CCDC186: variants seen among roughly 807,000 people sequenced by gnomAD.
CCDC186 encodes the protein coiled-coil domain-containing protein 186.
In CCDC186, 49 loss-of-function variants were observed where a neutral mutation model predicts 113.7. The ratio of observed to expected loss-of-function variants is 0.43; its 90% CI spans 0.34 to 0.55. The LOEUF is 0.55. Among genes scored for constraint, CCDC186 ranks in the 20% least tolerant of loss-of-function variants. The probability of loss-of-function intolerance (pLI) is 0.02; values close to 1 mark genes in which losing one functional copy is unlikely to be tolerated. For synonymous variants in CCDC186, 355 were observed against 345.8 expected (o/e 1.03, Z -0.30); for missense variants, 890 against 1,011.1 (o/e 0.88, Z 1.62).
rs759572269 is a variant in CCDC186, at chr10:114,123,627, A to G, written c.*1516T>C. On this transcript the variant is annotated 3_prime_UTR_variant, in exon 16 of 16. Coordinates refer to ENST00000369287, the MANE Select transcript of CCDC186 (RefSeq NM_018017.4). ...CATAAGAGCCACGGTATCTTATTATAGTAATGATCTGAAGATAATGAATTA... is the reference window on the plus strand; with the variant it reads ...CATAAGAGCCACGGTATCTTATTATGGTAATGATCTGAAGATAATGAATTA... 2.0e-5 allele frequency: 3 copies of G among 152,330 alleles called. No homozygotes were observed. The highest frequency in any genetic ancestry group is 1.9e-4 in the East Asian group (1 of 5,190). 9.4% of individuals were successfully genotyped at this position (152,330 alleles called of 1,614,324 possible).
chr10:114,155,624 G>C (rs539186917), intron 3 of CCDC186, among the ~76,000 whole-genome samples: 1 of 152,034 alleles, frequency 6.6e-6, no homozygotes. Context: ...GCTATGAGCC[G>C]AGATCGCGCC....
intron 1 of CCDC186, among the ~76,000 whole-genome samples, chr10:114,164,466 C>CA (rs773353247): frequency 2.6e-5 from 4 of 151,954 alleles, no homozygotes; most frequent in Non-Finnish European, 5.9e-5. Flanking sequence ...CTATTCTAGC[C>CA]ATTTTATGAC....
At position 114,121,564 on chromosome 10, in the gene CCDC186, TTTA is replaced by T. The variant is rs1564901377; in HGVS notation, c.*3576_*3578del. ...ATGCCATCTTATGGTCTTTGGATTT[TTTA>T]TTTTTTCTTAAATAATGAAAATCAA... On this transcript the variant is annotated 3_prime_UTR_variant, in exon 16 of 16. Coordinates refer to ENST00000369287, the MANE Select transcript of CCDC186 (RefSeq NM_018017.4). 1 of 152,232 alleles carries T rather than the reference TTTA, an allele frequency of 6.6e-6. No homozygotes were observed. Among genetic ancestry groups the T allele is most frequent in the Non-Finnish European group, 1.5e-5 (1 of 68,036 alleles). 9.4% of individuals were successfully genotyped at this position (152,232 alleles called of 1,614,324 possible).
intron 15 of CCDC186, 33 bp from the exon 16 acceptor site, chr10:114,125,259 G>A (rs769601707): frequency 6.9e-7 from 1 of 1,457,072 alleles, no homozygotes; most frequent in Non-Finnish European, 9.5e-7. Flanking sequence ...AAAGGGAAGA[G>A]AAAAACAAAA....
chr10:114,153,755 C>T (rs538064866), intron 3 of CCDC186, among the ~76,000 whole-genome samples: 10 of 144,112 alleles, frequency 6.9e-5, no homozygotes, highest in East Asian at 4.3e-4. Flanking sequence ...CACTGCACTC[C>T]GGTCTGGGTG....
intron 1 of CCDC186, among the ~76,000 whole-genome samples, chr10:114,170,967 G>A (rs2032477874): frequency 6.6e-6 from 1 of 152,016 alleles, no homozygotes; most frequent in Non-Finnish European, 1.5e-5. Flanking sequence ...GAGGGTCAGT[G>A]GCCACATCAT....
In CCDC186 at chr10:114,148,910, A is replaced by G. The variant is rs2031728512; in HGVS notation, c.888+2182T>C. Among the ~76,000 whole-genome samples the G allele has an allele frequency of 2.0e-5, 3 of 152,276 alleles. No individual in the cohort carries two copies. In the South Asian group the frequency reaches 6.2e-4, roughly 31 times the overall value. On this transcript the variant is annotated intron_variant, in intron 4 of 15. Coordinates refer to ENST00000369287, the MANE Select transcript of CCDC186 (RefSeq NM_018017.4). ...AAAGCAGGTGAATGTGCGTGTGCAC[A>G]TGAACATGGGTAAACACATATGGGA...
chr10:114,166,133 A>C (rs545547373), intron 1 of CCDC186, among the ~76,000 whole-genome samples: 1 of 152,218 alleles, frequency 6.6e-6, no homozygotes, highest in Non-Finnish European at 1.5e-5. Flanking sequence ...CTGGAGACCC[A>C]GTAAGGAAAA....
At chr10:114,149,566 AG>A in intron 4 of CCDC186, among the ~76,000 whole-genome samples, 2 of 9,950 alleles carry the variant, frequency 2.0e-4, no homozygotes, top group African/African-American at 6.5e-4. Flanking sequence ...AGGAAAGGAA[AG>A]GGAAGGGAAG....
At chr10:114,138,479 A>G (rs2031355329) in intron 6 of CCDC186, among the ~76,000 whole-genome samples, 1 of 151,272 alleles carries the variant, frequency 6.6e-6, no homozygotes, top group Non-Finnish European at 1.5e-5. Context: ...TTTTTAGTAG[A>G]GATAGGTTTT....
intron 1 of CCDC186, among the ~76,000 whole-genome samples, chr10:114,169,788 C>G (rs1475769983): frequency 8.5e-5 from 13 of 152,144 alleles, no homozygotes; most frequent in Admixed American, 8.5e-4. Flanking sequence ...AAAATCAAAT[C>G]AAAAACGCAT....
intron 1 of CCDC186, among the ~76,000 whole-genome samples, chr10:114,170,966 T>C (rs1407523063): frequency 6.6e-6 from 1 of 152,156 alleles, no homozygotes; most frequent in Non-Finnish European, 1.5e-5. Flanking sequence ...AGAGGGTCAG[T>C]GGCCACATCA....
At chr10:114,131,711 T>G (rs948264850) in intron 11 of CCDC186, among the ~76,000 whole-genome samples, 2 of 152,164 alleles carry the variant, frequency 1.3e-5, no homozygotes, top group Non-Finnish European at 2.9e-5. Context: ...TTTTCTCATT[T>G]TCAAAAGTAA....
chr10:114,138,529 C>A (rs2031357063), intron 6 of CCDC186, among the ~76,000 whole-genome samples: 1 of 151,960 alleles, frequency 6.6e-6, no homozygotes, highest in Non-Finnish European at 1.5e-5. Flanking sequence ...AGGTGATCCA[C>A]CTGTCTCAGC....
chr10:114,125,204 G>A lies in CCDC186; in HGVS notation c.2636C>T (p.Thr879Ile), dbSNP rs756548615. ...GTGTTTAATAAGACGTTCTATTTCTGTTCCAAGTGTTTGTAGATTTTCCTT... is the reference window on the plus strand; with the variant it reads ...GTGTTTAATAAGACGTTCTATTTCTATTCCAAGTGTTTGTAGATTTTCCTT... ...TLKENLQTLG[T>I]EIERLIKHQH... Residue 879 changes from threonine (T) to isoleucine (I), a missense_variant, in exon 16 of 16, where the codon ACA becomes ATA. Thr to Ile is a moderately conservative substitution (Grantham distance 89). Coordinates refer to ENST00000369287, the MANE Select transcript of CCDC186 (RefSeq NM_018017.4). 6.2e-7 allele frequency: 1 copy of A among 1,610,800 alleles called. No homozygotes were observed. The highest frequency in any genetic ancestry group is 8.5e-7 in the Non-Finnish European group (1 of 1,178,108).
rs1336283050 is a variant in CCDC186 at position 114,153,559 on chromosome 10, G to C, written c.760-2339C>G. 2.0e-5 allele frequency among the ~76,000 whole-genome samples: 3 copies of C among 152,226 alleles called. No individual in the cohort carries two copies. The South Asian group carries it at 6.2e-4, about 32-fold the overall frequency. ...TCAGCACTTTGGGAGGCAGAGGCAG[G>C]AGGCTCACTTGAGGTCAGGAGTTCG... is the stretch of plus-strand genomic sequence containing the variant. On this transcript the variant is annotated intron_variant, in intron 3 of 15. Transcript: ENST00000369287.
chr10:114,128,769 C>T (rs1430182464), intron 13 of CCDC186, among the ~76,000 whole-genome samples: 4 of 152,110 alleles, frequency 2.6e-5, no homozygotes, highest in Non-Finnish European at 5.9e-5. Context: ...AGACTCTACC[C>T]ATTTTTACTT....
At chr10:114,166,523 A>C (rs1474598671) in intron 1 of CCDC186, among the ~76,000 whole-genome samples, 1 of 152,240 alleles carries the variant, frequency 6.6e-6, no homozygotes, top group African/African-American at 2.4e-5. Context: ...GGCAGCATTT[A>C]GCCTTTTAAA....
chr10:114,141,644 C>T (rs1056109558), intron 6 of CCDC186, among the ~76,000 whole-genome samples: 8 of 151,944 alleles, frequency 5.3e-5, no homozygotes, highest in Non-Finnish European at 7.4e-5. Context: ...CACACACACA[C>T]GCACGCACAC....
Sources: gnomAD v4.1 joint callset for allele counts (sites outside exome capture counted in the v4.1 genomes callset) on GRCh38, gnomAD v4.1.1 for gene constraint, MANE v1.5 for transcripts, NCBI Gene and HGNC (gene_info 2026-07-23, HGNC 2026-07-21) for gene names.